INSL6: variants seen among roughly 807,000 people sequenced by gnomAD.
INSL6 encodes the protein insulin like 6, also known as insulin-like peptide INSL6.
In INSL6, 16 loss-of-function variants were observed where a neutral mutation model predicts 9.4. The ratio of observed to expected loss-of-function variants is 1.70; its 90% CI spans 1.15 to 2.59. The LOEUF (loss-of-function observed/expected upper bound fraction) is 2.59, where lower values mean the gene tolerates loss of function less well. Ranked by LOEUF, INSL6 falls within the 30% of genes most tolerant of loss-of-function variation. INSL6 has a pLI of 0.00. For synonymous variants in INSL6, 154 were observed against 96.9 expected, an observed-to-expected ratio of 1.59 and a Z score of -3.46; for missense variants, 391 against 257.3, an observed-to-expected ratio of 1.52 and a Z score of -3.56.
chr9:5,136,974 A>G lies in INSL6; in HGVS notation c.377-3382T>C, dbSNP rs542424827. 3.9e-5 allele frequency among the ~76,000 whole-genome samples: 6 copies of G among 152,304 alleles called. No individual in the cohort carries two copies. In the South Asian group the frequency reaches 8.3e-4, roughly 21 times the overall value. The stretch of plus-strand genomic sequence containing the variant: ...AAATCACAAGCATTCTTATACACCA[A>G]TAACAGACAAACAGCCAAATCATGA... On this transcript the variant is annotated intron_variant, in intron 2 of 3. Coordinates refer to the INSL6 transcript ENST00000649639.
chr9:5,137,294 A>C lies in INSL6; in HGVS notation c.377-3702T>G, dbSNP rs973094328. ...TTTAAATTTCATATGGAACCAAAAAAAAGAGCCTGCATAGCCAAGACAATC... is the reference window on the plus strand; with the variant it reads ...TTTAAATTTCATATGGAACCAAAAACAAGAGCCTGCATAGCCAAGACAATC... On this transcript the variant is annotated intron_variant, in intron 2 of 3. Transcript: ENST00000649639. Among the ~76,000 whole-genome samples the C allele has an allele frequency of 7.2e-5, 11 of 152,346 alleles. No homozygotes were observed. In the Middle Eastern group the frequency reaches 0.017, roughly 236 times the overall value.
chr9:5,130,355 C>A (rs74625584), intron 3 of INSL6, among the ~76,000 whole-genome samples: 4,478 of 152,216 alleles, frequency 0.029, 157 homozygotes, highest in African/African-American at 0.089. Flanking sequence ...TGTGAACAGA[C>A]AGAAGCATAG....
In INSL6 at chr9:5,181,068, G is replaced by A. The variant is rs140651156; in HGVS notation, c.289+4246C>T. ...TTGTACTCTTTATTTCTCAGCCAGCGGACACTTATGGAAAATAGAACCTAC... is the reference window on the plus strand; with the variant it reads ...TTGTACTCTTTATTTCTCAGCCAGCAGACACTTATGGAAAATAGAACCTAC... On this transcript the variant is annotated intron_variant, in intron 1 of 1. Coordinates refer to ENST00000381641, the MANE Select transcript of INSL6 (RefSeq NM_007179.3). Among the ~76,000 whole-genome samples, 50 of 152,164 alleles carry A rather than the reference G, an allele frequency of 3.3e-4. No homozygotes were observed. In the East Asian group the frequency reaches 7.7e-3, roughly 23 times the overall value.
the INSL6 span, among the ~76,000 whole-genome samples, chr9:5,046,518 GT>G: frequency 6.6e-6 from 1 of 152,076 alleles, no homozygotes; most frequent in Admixed American, 6.6e-5. Flanking sequence ...TCTTGTAAGA[GT>G]TTTATCATTT....
the INSL6 span, chr9:5,085,508 G>T: frequency 1.3e-5 from 9 of 719,598 alleles, no homozygotes; most frequent in African/African-American, 8.7e-5. Flanking sequence ...CCGAGCTGAA[G>T]AAATTCACCA....
chr9:5,031,641 T>G, the INSL6 span, among the ~76,000 whole-genome samples: 8 of 152,346 alleles, frequency 5.3e-5, 1 homozygote, highest in South Asian at 1.7e-3. Context: ...GAATTGGAAC[T>G]GAATTCAAGT....
downstream of INSL6, among the ~76,000 whole-genome samples, chr9:5,119,441 G>T (rs1043311299): frequency 6.6e-6 from 1 of 151,768 alleles, no homozygotes; most frequent in East Asian, 1.9e-4. Flanking sequence ...AAAAAAAAAG[G>T]CTTCAAATTA....
chr9:5,136,632 G>A (rs1824391393), intron 2 of INSL6, among the ~76,000 whole-genome samples: 1 of 152,116 alleles, frequency 6.6e-6, no homozygotes, highest in Non-Finnish European at 1.5e-5. Context: ...AAAATCATAA[G>A]AGCTATTTAT....
chr9:5,093,724 T>G, the INSL6 span, among the ~76,000 whole-genome samples: 1 of 152,238 alleles, frequency 6.6e-6, no homozygotes, highest in East Asian at 1.9e-4. Flanking sequence ...ACAGAACAAG[T>G]TACCCTAGGG....
intron 2 of INSL6, among the ~76,000 whole-genome samples, chr9:5,149,113 A>G (rs181668056): frequency 3.3e-5 from 5 of 152,304 alleles, no homozygotes; most frequent in Admixed American, 2.0e-4. Context: ...TCTCTGTCGA[A>G]TCTCTGGGGA....
intron 2 of INSL6, among the ~76,000 whole-genome samples, chr9:5,158,231 A>T (rs1824858125): frequency 6.6e-6 from 1 of 152,182 alleles, no homozygotes; most frequent in African/African-American, 2.4e-5. Context: ...CAAATCTAAA[A>T]GTTCTTCGCC....
At chr9:5,111,558 C>T in the INSL6 span, 1 of 365,756 alleles carries the variant, frequency 2.7e-6, no homozygotes, top group South Asian at 2.1e-5. Context: ...TTCTACATGG[C>T]AGATGGCAGC....
the INSL6 span, among the ~76,000 whole-genome samples, chr9:5,101,890 T>C: frequency 6.6e-6 from 1 of 152,076 alleles, no homozygotes; most frequent in African/African-American, 2.4e-5. Flanking sequence ...CAAAACCCCA[T>C]CTGTAGGTTA....
chr9:5,169,832 T>C (rs1467257958), intron 1 of INSL6, among the ~76,000 whole-genome samples: 1 of 152,186 alleles, frequency 6.6e-6, no homozygotes, highest in African/African-American at 2.4e-5. Flanking sequence ...TAAATATATA[T>C]GCACCCAATA....
the INSL6 span, among the ~76,000 whole-genome samples, chr9:5,117,756 T>C: frequency 1.3e-5 from 2 of 152,144 alleles, no homozygotes; most frequent in Non-Finnish European, 2.9e-5. Flanking sequence ...CAAAAGTTTT[T>C]TGGCAACCTC....
At chr9:5,170,128 A>G (rs915546038) in intron 1 of INSL6, among the ~76,000 whole-genome samples, 3 of 152,218 alleles carry the variant, frequency 2.0e-5, no homozygotes, top group Non-Finnish European at 4.4e-5. Flanking sequence ...CAAATGCAAA[A>G]GAACTGAAAT....
At chr9:5,018,132 T>C in the INSL6 span, among the ~76,000 whole-genome samples, 1 of 152,216 alleles carries the variant, frequency 6.6e-6, no homozygotes, top group African/African-American at 2.4e-5. Context: ...ATTCCTGTCA[T>C]TTTATTAATT....
At chr9:4,996,660 G>C in the INSL6 span, among the ~76,000 whole-genome samples, 1 of 146,158 alleles carries the variant, frequency 6.8e-6, no homozygotes, top group Middle Eastern at 3.3e-3. Context: ...CCACCATTTA[G>C]GACCCTGTCT....
At chr9:5,059,607 T>G in the INSL6 span, among the ~76,000 whole-genome samples, 2 of 152,176 alleles carry the variant, frequency 1.3e-5, no homozygotes, top group African/African-American at 4.8e-5. Context: ...GTCATAGTGA[T>G]AGCTTTAGTA....
Sources: gnomAD v4.1 joint callset for allele counts (sites outside exome capture counted in the v4.1 genomes callset) on GRCh38, gnomAD v4.1.1 for gene constraint, MANE v1.5 for transcripts, NCBI Gene and HGNC (gene_info 2026-07-23, HGNC 2026-07-21) for gene names.